ZNF385D: variants seen among roughly 807,000 people sequenced by gnomAD.
The protein encoded by ZNF385D is zinc finger protein 385D.
In ZNF385D, 15 loss-of-function variants were observed where a neutral mutation model predicts 35.8. The ratio of observed to expected loss-of-function variants is 0.42; its 90% CI spans 0.28 to 0.64. The LOEUF is 0.64. Among genes scored for constraint, ZNF385D ranks in the 30% least tolerant of loss-of-function variants. The pLI, the probability that ZNF385D is intolerant of heterozygous loss-of-function variation, is 0.23. For synonymous variants in ZNF385D, 212 were observed against 186.8 expected (o/e 1.13, Z -1.10); for missense variants, 474 against 494.6 (o/e 0.96, Z 0.39).
chr3:21,520,545 G>C (rs1707840680), intron 3 of ZNF385D, among the ~76,000 whole-genome samples: 1 of 152,142 alleles, frequency 6.6e-6, no homozygotes, highest in Non-Finnish European at 1.5e-5. Flanking sequence ...GGCACTTAAT[G>C]CTGGAAAACC....
At chr3:21,560,301 T>G (rs755071961) in intron 3 of ZNF385D, among the ~76,000 whole-genome samples, 5 of 152,224 alleles carry the variant, frequency 3.3e-5, no homozygotes, top group Non-Finnish European at 7.4e-5. Flanking sequence ...TGGATTCATC[T>G]ATCTTTGGTC....
chr3:21,685,526 A>G (rs1477078749), intron 1 of ZNF385D, among the ~76,000 whole-genome samples: 1 of 152,150 alleles, frequency 6.6e-6, no homozygotes, highest in Non-Finnish European at 1.5e-5. Flanking sequence ...GTCTGTGATT[A>G]ATTTTACTTA....
At chr3:22,285,939 A>T (rs1044089003) in intron 2 of ZNF385D, among the ~76,000 whole-genome samples, 3 of 152,108 alleles carry the variant, frequency 2.0e-5, no homozygotes, top group Non-Finnish European at 4.4e-5. Flanking sequence ...TTACATATAA[A>T]TTCAGGTGAC....
At chr3:21,959,398 T>C (rs73048108) in intron 3 of ZNF385D, among the ~76,000 whole-genome samples, 20,082 of 151,956 alleles carry the variant, frequency 0.13, 1,500 homozygotes, top group Non-Finnish European at 0.16. Context: ...TAAGAGAAAA[T>C]AATTTATAAA....
At chr3:21,707,934 C>A (rs1329350404) in intron 1 of ZNF385D, among the ~76,000 whole-genome samples, 2 of 152,056 alleles carry the variant, frequency 1.3e-5, no homozygotes, top group African/African-American at 4.8e-5. Context: ...AGTGGTGATG[C>A]GGAAGGAGCT....
chr3:22,154,118 G>C (rs982556343), intron 3 of ZNF385D, among the ~76,000 whole-genome samples: 1 of 152,106 alleles, frequency 6.6e-6, no homozygotes, highest in Non-Finnish European at 1.5e-5. Context: ...TCCTAATTCT[G>C]GTCCTCGGGA....
chr3:21,999,856 T>C (rs988089624), intron 3 of ZNF385D, among the ~76,000 whole-genome samples: 14 of 151,862 alleles, frequency 9.2e-5, no homozygotes, highest in African/African-American at 3.4e-4. Context: ...AATGACCACA[T>C]ATTCTAATTC....
chr3:21,777,423 T>G (rs995067887), intron 3 of ZNF385D, among the ~76,000 whole-genome samples: 4 of 151,930 alleles, frequency 2.6e-5, no homozygotes, highest in Non-Finnish European at 4.4e-5. Flanking sequence ...AAGCATCATG[T>G]TCATGGGTTA....
At chr3:22,109,096 T>C (rs921114291) in intron 3 of ZNF385D, among the ~76,000 whole-genome samples, 7 of 152,120 alleles carry the variant, frequency 4.6e-5, no homozygotes, top group Non-Finnish European at 8.8e-5. Context: ...CCATCTATAA[T>C]AACCCCTCTT....
chr3:21,925,972 A>G (rs574615512), intron 3 of ZNF385D, among the ~76,000 whole-genome samples: 6 of 152,286 alleles, frequency 3.9e-5, no homozygotes, highest in Non-Finnish European at 7.4e-5. Context: ...AAAAATAGTG[A>G]TAACAACAAA....
At chr3:22,183,270 TA>T (rs1394779489) in intron 2 of ZNF385D, among the ~76,000 whole-genome samples, 1 of 152,186 alleles carries the variant, frequency 6.6e-6, no homozygotes, top group Non-Finnish European at 1.5e-5. Flanking sequence ...TAAATTATCT[TA>T]AAAATTATCT....
intron 3 of ZNF385D, among the ~76,000 whole-genome samples, chr3:22,096,483 A>G (rs376100168): frequency 2.6e-4 from 40 of 152,210 alleles, no homozygotes; most frequent in South Asian, 6.2e-4. Flanking sequence ...ATATAGAGAC[A>G]TATAACTCTA....
intron 3 of ZNF385D, among the ~76,000 whole-genome samples, chr3:22,042,474 G>A (rs761026314): frequency 4.1e-4 from 63 of 152,178 alleles, no homozygotes; most frequent in Admixed American, 7.9e-4. Flanking sequence ...ACATATGGTA[G>A]GTTGAGCATC....
chr3:21,701,910 C>T (rs192684046), intron 1 of ZNF385D, among the ~76,000 whole-genome samples: 17 of 152,286 alleles, frequency 1.1e-4, no homozygotes, highest in African/African-American at 3.1e-4. Flanking sequence ...TGAGCAGCCC[C>T]GTCTCTATGG....
intron 2 of ZNF385D, among the ~76,000 whole-genome samples, chr3:22,348,830 T>C (rs957672888): frequency 6.6e-6 from 1 of 152,206 alleles, no homozygotes; most frequent in African/African-American, 2.4e-5. Context: ...TCTAGAACTA[T>C]GAGAAATTAA....
intron 2 of ZNF385D, among the ~76,000 whole-genome samples, chr3:21,595,722 G>A (rs2064110783): frequency 2.0e-5 from 3 of 148,914 alleles, no homozygotes; most frequent in Non-Finnish European, 3.0e-5. Flanking sequence ...GTTTTCAACA[G>A]AATCACATTT....
At chr3:21,889,814 T>C (rs1477185678) in intron 3 of ZNF385D, among the ~76,000 whole-genome samples, 2 of 152,124 alleles carry the variant, frequency 1.3e-5, no homozygotes, top group South Asian at 2.1e-4. Context: ...AAGTTTGTGA[T>C]CAAGTGTCAG....
chr3:22,258,539 G>A (rs566147232), intron 2 of ZNF385D, among the ~76,000 whole-genome samples: 75 of 151,414 alleles, frequency 5.0e-4, no homozygotes, highest in Admixed American at 1.6e-3. Context: ...GGCCTCTCTG[G>A]GTAGCAGAAC....
intron 2 of ZNF385D, among the ~76,000 whole-genome samples, chr3:22,233,894 T>C (rs2125302307): frequency 6.6e-6 from 1 of 152,250 alleles, no homozygotes; most frequent in African/African-American, 2.4e-5. Context: ...TCAATTACCA[T>C]GATTTATTAA....
Sources: gnomAD v4.1 joint callset for allele counts (sites outside exome capture counted in the v4.1 genomes callset) on GRCh38, gnomAD v4.1.1 for gene constraint, MANE v1.5 for transcripts, NCBI Gene and HGNC (gene_info 2026-07-23, HGNC 2026-07-21) for gene names.